The following CSNK1D variants were observed in gnomAD, a reference collection of about 807,000 sequenced individuals.
The protein encoded by CSNK1D is casein kinase 1 delta.
Under a neutral mutation model 46.6 loss-of-function variants are expected in CSNK1D, and 16 were observed. The observed-to-expected ratio is 0.34, with a 90% CI of 0.23 to 0.52. The LOEUF is 0.52. Ranked by LOEUF, CSNK1D falls within the 20% of genes least tolerant of loss-of-function variation. The pLI is 0.95. For synonymous variants in CSNK1D, 276 were observed against 228.2 expected, an observed-to-expected ratio of 1.21 and a Z score of -1.89; for missense variants, 398 against 578.4, an observed-to-expected ratio of 0.69 and a Z score of 3.20.
rs1162576020 is a variant in CSNK1D at position 82,244,007 on chromosome 17, G to T, written c.*774C>A. 2.3e-5 allele frequency: 23 copies of T among 987,084 alleles called. No individual in the cohort carries two copies. Among genetic ancestry groups the T allele is most frequent in the Non-Finnish European group, 2.6e-5 (22 of 831,146 alleles). 61.1% of individuals were successfully genotyped at this position (987,084 alleles called of 1,614,324 possible). A position where few individuals can be genotyped will look rare whatever the true frequency, so the allele number is the denominator to read the frequency against. ...GCCTGGTAACACCCACTGCACCCCT[G>T]CCCCGCGGCAGCCTGCGGTCCCTAA... On this transcript the variant is annotated 3_prime_UTR_variant, in exon 9 of 9. Coordinates refer to ENST00000314028, the MANE Select transcript of CSNK1D (RefSeq NM_001893.6).
Position 82,250,128 on chromosome 17 carries a change from C to T in CSNK1D, c.886-526G>A, listed in dbSNP as rs746629781. ...AGCCGGCAGCCGGATCTGTGCTGCA[C>T]TATCCAGATGCACGGGGGTGGGGAG... On this transcript the variant is annotated intron_variant, in intron 6 of 8. Coordinates refer to ENST00000314028, the MANE Select transcript of CSNK1D (RefSeq NM_001893.6). The surrounding 1 kb of genome is among the most constrained non-coding windows in gnomAD (Gnocchi z 4.6). 7.7e-7 allele frequency: 1 copy of T among 1,290,688 alleles called. No individual in the cohort carries two copies. Among genetic ancestry groups the T allele is most frequent in the Middle Eastern group, 2.1e-4 (1 of 4,672 alleles). The allele number at this position is 1,290,688 out of a possible 1,614,324, so 80.0% of individuals were successfully genotyped here.
chr17:82,253,421 C>A, intron 3 of CSNK1D, 177 bp from the exon 4 acceptor site: 1 of 651,088 alleles, frequency 1.5e-6, no homozygotes, highest in Non-Finnish European at 2.8e-6. Flanking sequence ...CAGGTGCCTG[C>A]AGCAACCCTC....
At position 82,244,286 on chromosome 17, in the gene CSNK1D, G is replaced by A; in HGVS notation, c.*495C>T. ...CACCTCATACACTAACTCCAAGCCA[G>A]CCTGTCTCAGAATTCCTTAGTCAAC... On this transcript the variant is annotated 3_prime_UTR_variant, in exon 9 of 9. Transcript: ENST00000314028. The A allele has an allele frequency of 1.8e-6, 2 of 1,105,714 alleles. No homozygotes were observed. Among genetic ancestry groups the A allele is most frequent in the African/African-American group, 1.6e-5 (1 of 61,458 alleles). 68.5% of individuals were successfully genotyped at this position (1,105,714 alleles called of 1,614,324 possible).
intron 2 of CSNK1D, among the ~76,000 whole-genome samples, chr17:82,259,507 C>A (rs1361141743): frequency 6.6e-6 from 1 of 152,208 alleles, no homozygotes; most frequent in African/African-American, 2.4e-5. Flanking sequence ...TTGGAAAAAT[C>A]GATATGTATC....
rs753548588 is a variant in CSNK1D, at chr17:82,248,706, C to T, written c.1197+169G>A. On this transcript the variant is annotated intron_variant, in intron 8 of 8. Transcript: ENST00000314028. This position sits in a 1 kb window ranked among gnomAD's most constrained non-coding sequence, Gnocchi z 4.1. ...GACGGCCCAGCATGTCTCCCAGGCCCTCCCGAGAAGCCTCATCTGCAACCA... is the reference window on the plus strand; with the variant it reads ...GACGGCCCAGCATGTCTCCCAGGCCTTCCCGAGAAGCCTCATCTGCAACCA... 2.1e-6 allele frequency: 3 copies of T among 1,451,170 alleles called. No individual in the cohort carries two copies. The East Asian group carries it at 7.6e-5, about 37-fold the overall frequency. The allele number at this position is 1,451,170 out of a possible 1,614,324, so 89.9% of individuals were successfully genotyped here.
rs2050986419 is a variant in CSNK1D, at chr17:82,250,794, T to C, written c.885+585A>G. The C allele has an allele frequency of 6.0e-6, 1 of 167,948 alleles. No individual in the cohort carries two copies. The highest frequency in any genetic ancestry group is 2.4e-5 in the African/African-American group (1 of 41,622). The allele number at this position is 167,948 out of a possible 1,614,324, so 10.4% of individuals were successfully genotyped here. On this transcript the variant is annotated intron_variant, in intron 6 of 8. Coordinates refer to ENST00000314028, the MANE Select transcript of CSNK1D (RefSeq NM_001893.6). This position sits in a 1 kb window ranked among gnomAD's most constrained non-coding sequence, Gnocchi z 4.6. ...AACTGACAACAAAACAGTAAGTTTT[T>C]AATGAAGGAACACAACAGTTCCACA...
At chr17:82,264,875 G>A (rs113641324) in intron 2 of CSNK1D, among the ~76,000 whole-genome samples, 6,973 of 149,158 alleles carry the variant, frequency 0.047, 517 homozygotes, top group African/African-American at 0.16. Flanking sequence ...TGGGCTCACT[G>A]CAAGCTCTGC....
intron 2 of CSNK1D, 94 bp downstream of exon 2, chr17:82,265,592 C>A: frequency 1.0e-6 from 1 of 990,130 alleles, no homozygotes; most frequent in Non-Finnish European, 1.6e-6. Context: ...TGCCCAGAAC[C>A]AGTTTTGGGT....
At position 82,242,803 on chromosome 17, in the gene CSNK1D, G is replaced by A. The variant is rs561434832; in HGVS notation, c.*1978C>T. 7.5e-5 allele frequency: 74 copies of A among 985,352 alleles called. No homozygotes were observed. Among genetic ancestry groups the A allele is most frequent in the Non-Finnish European group, 8.6e-5 (71 of 829,948 alleles). 61.0% of individuals were successfully genotyped at this position (985,352 alleles called of 1,614,324 possible). A position where few individuals can be genotyped will look rare whatever the true frequency, so the allele number is the denominator to read the frequency against. ...GACGTCCTACCTACGTCTCCTGCACGGGGCGACGGGGACTAGATACTGGGC... is the reference window on the plus strand; with the variant it reads ...GACGTCCTACCTACGTCTCCTGCACAGGGCGACGGGGACTAGATACTGGGC... On this transcript the variant is annotated 3_prime_UTR_variant, in exon 9 of 9. Transcript: ENST00000314028.
intron 8 of CSNK1D, chr17:82,245,971 C>A: frequency 6.2e-7 from 1 of 1,601,292 alleles, no homozygotes. Flanking sequence ...CACGCGCACA[C>A]TCACCCAGTG....
rs1002218942 is a variant in CSNK1D, at chr17:82,272,932, G to A, written c.76+374C>T. ...CCACCCCCGCCCTGCCCCTCCCCCA[G>A]GCCCGCCTCCCCACGCCCCACCCAG... is the stretch of plus-strand genomic sequence containing the variant. On this transcript the variant is annotated intron_variant, in intron 1 of 8. Transcript: ENST00000314028. Among the ~76,000 whole-genome samples the A allele has an allele frequency of 2.1e-4, 6 of 28,702 alleles. No homozygotes were observed. In the Admixed American group the frequency reaches 2.6e-3, roughly 12 times the overall value. The allele number at this position is 28,702 out of a possible 152,430, so 18.8% of individuals were successfully genotyped here. A position where few individuals can be genotyped will look rare whatever the true frequency, so the allele number is the denominator to read the frequency against.
downstream of CSNK1D, chr17:82,239,883 C>T (rs919038163): frequency 5.5e-6 from 4 of 733,216 alleles, no homozygotes; most frequent in Non-Finnish European, 7.5e-6. Flanking sequence ...CGGCCCAGCG[C>T]TTGGGCTTGT....
Position 82,253,140 on chromosome 17 carries a change from G to A in CSNK1D, c.441C>T (p.Ile147=). ...ACTTCTTGGCCAGCCCGAAGTCGAT[G>A]ATGTACACCAGGTTGCCCTTCTTCC... ...GLGKKGNLVY[I]IDFGLAKKYR... Residue 147 remains isoleucine (I), a synonymous_variant, in exon 4 of 9, where the codon ATC becomes ATT. Coordinates refer to ENST00000314028, the MANE Select transcript of CSNK1D (RefSeq NM_001893.6). 1 of 1,614,230 alleles carries A rather than the reference G, an allele frequency of 6.2e-7. No homozygotes were observed.
chr17:82,247,614 C>A lies in CSNK1D; in HGVS notation c.1197+1261G>T, dbSNP rs931046149. The A allele has an allele frequency of 3.0e-6, 3 of 985,404 alleles. No individual in the cohort carries two copies. The East Asian group carries it at 3.4e-4, about 112-fold the overall frequency. 61.0% of individuals were successfully genotyped at this position (985,404 alleles called of 1,614,324 possible). A position where few individuals can be genotyped will look rare whatever the true frequency, so the allele number is the denominator to read the frequency against. The stretch of plus-strand genomic sequence containing the variant: ...TCAAGACACGAGGGCACGGGCAGAC[C>A]CTCCCGGGAACTGCTCACAGGAACT... On this transcript the variant is annotated intron_variant, in intron 8 of 8. Transcript: ENST00000314028.
chr17:82,246,090 C>G, intron 8 of CSNK1D: 1 of 1,575,342 alleles, frequency 6.3e-7, no homozygotes, highest in Non-Finnish European at 8.6e-7. Context: ...GGCCCCCTGA[C>G]TACCTGTGTC....
chr17:82,257,423 AAG>A (rs1431075331), intron 2 of CSNK1D, among the ~76,000 whole-genome samples: 3 of 152,178 alleles, frequency 2.0e-5, no homozygotes, highest in African/African-American at 7.2e-5. Flanking sequence ...CAGCGTCAAA[AAG>A]AGATGCTATT....
rs991116292 is a variant in CSNK1D, at chr17:82,255,323, T to C, written c.336+106A>G. On this transcript the variant is annotated intron_variant, in intron 3 of 8. Coordinates refer to ENST00000314028, the MANE Select transcript of CSNK1D (RefSeq NM_001893.6). The surrounding 1 kb of genome is among the most constrained non-coding windows in gnomAD (Gnocchi z 5.9). ...AAGGCTGAGGCTCAGCAAATTTCCA[T>C]TTCCTCTGTGAATTAATGGCCATAA... The C allele has an allele frequency of 3.6e-6, 5 of 1,394,810 alleles. No individual in the cohort carries two copies. The highest frequency in any genetic ancestry group is 1.4e-5 in the African/African-American group (1 of 70,440). The allele number at this position is 1,394,810 out of a possible 1,614,324, so 86.4% of individuals were successfully genotyped here.
chr17:82,269,842 C>T (rs1435516429), intron 1 of CSNK1D, among the ~76,000 whole-genome samples: 1 of 152,268 alleles, frequency 6.6e-6, no homozygotes, highest in Non-Finnish European at 1.5e-5. Context: ...CGCCAGACAC[C>T]CCTGTGGTTC....
chr17:82,270,776 C>G (rs1357701357), intron 1 of CSNK1D, among the ~76,000 whole-genome samples: 2 of 152,158 alleles, frequency 1.3e-5, no homozygotes, highest in Non-Finnish European at 2.9e-5. Context: ...TGTGCCTAAC[C>G]CCACTCAAGT....
Sources: gnomAD v4.1 joint callset for allele counts (sites outside exome capture counted in the v4.1 genomes callset) on GRCh38, gnomAD v4.1.1 for gene constraint, Gnocchi (gnomAD v3.1) non-coding constraint, MANE v1.5 for transcripts, NCBI Gene and HGNC (gene_info 2026-07-23, HGNC 2026-07-21) for gene names.